The following PDE3B variants were observed in gnomAD, a reference collection of about 807,000 sequenced individuals.
PDE3B encodes cGMP-inhibited 3',5'-cyclic phosphodiesterase 3B.
In PDE3B, 66 loss-of-function variants were observed where a neutral mutation model predicts 116.8. The observed-to-expected ratio is 0.56, with a 90% CI of 0.46 to 0.69. The LOEUF is 0.69. Ranked by LOEUF, PDE3B falls within the 30% of genes least tolerant of loss-of-function variation. PDE3B has a pLI of 0.00. For missense variants in PDE3B, 1,384 were observed against 1,368.1 expected (o/e 1.01, Z -0.18); for synonymous variants, 595 against 533.6 (o/e 1.12, Z -1.59).
At chr11:14,782,094 C>T (rs1306870838) in intron 2 of PDE3B, among the ~76,000 whole-genome samples, 2 of 152,160 alleles carry the variant, frequency 1.3e-5, no homozygotes, top group Non-Finnish European at 2.9e-5. Flanking sequence ...AGGAATCCAA[C>T]TTGTGAGGGA....
chr11:14,810,128 CTAA>C (rs199555995), intron 5 of PDE3B, among the ~76,000 whole-genome samples: 1,693 of 152,044 alleles, frequency 0.011, 14 homozygotes, highest in Middle Eastern at 0.088. Flanking sequence ...TAAATATTTT[CTAA>C]TAATAAAACC....
the PDE3B span, among the ~76,000 whole-genome samples, chr11:14,879,786 A>G: frequency 1.3e-5 from 2 of 152,176 alleles, no homozygotes; most frequent in Non-Finnish European, 2.9e-5. Flanking sequence ...GACATAAGTA[A>G]TAAGAATAAA....
chr11:14,796,379 T>C (rs1858554313), intron 4 of PDE3B, among the ~76,000 whole-genome samples: 2 of 152,248 alleles, frequency 1.3e-5, no homozygotes. Context: ...CCTTTGGGTG[T>C]ATACCCAGTA....
intron 5 of PDE3B, among the ~76,000 whole-genome samples, chr11:14,814,111 A>T (rs1161891401): frequency 6.6e-6 from 1 of 152,200 alleles, no homozygotes; most frequent in Non-Finnish European, 1.5e-5. Flanking sequence ...TAGAGGGGAC[A>T]TTTTTAATCT....
intron 8 of PDE3B, among the ~76,000 whole-genome samples, chr11:14,831,158 A>G (rs556531813): frequency 6.6e-6 from 1 of 151,828 alleles, no homozygotes; most frequent in South Asian, 2.1e-4. Flanking sequence ...GAATATGTGC[A>G]TGTTACTAAA....
Position 14,786,521 on chromosome 11 carries a change from C to T in PDE3B, c.1114C>T (p.Leu372Phe). The change falls in exon 3 of 16, where the codon CTT becomes TTT. Residue 372 changes from leucine to phenylalanine, a missense_variant. Around this residue, in one of 2 missense-constraint regions of PDE3B, gnomAD observed 956 missense variants for 806.8 expected, o/e 1.18. Coordinates refer to ENST00000282096, the MANE Select transcript of PDE3B (RefSeq NM_000922.4). ...MVSDLLTDPS[L>F]PPQVISSLRS... ...GTCAGATCTTCTGACTGATCCAAGC[C>T]TTCCACCACAAGTCATTTCCTCTCT... 6.2e-7 allele frequency: 1 copy of T among 1,613,108 alleles called. No homozygotes were observed. The highest frequency in any genetic ancestry group is 8.5e-7 in the Non-Finnish European group (1 of 1,179,250).
chr11:14,713,719 CACACACACTCACACACAT>C (rs1377687946), intron 1 of PDE3B, among the ~76,000 whole-genome samples: 1 of 152,022 alleles, frequency 6.6e-6, no homozygotes, highest in Non-Finnish European at 1.5e-5. Flanking sequence ...CACACACACA[CACACACACTCACACACAT>C]ACTATTGTTT....
intron 1 of PDE3B, among the ~76,000 whole-genome samples, chr11:14,691,725 A>C (rs1001625659): frequency 6.6e-6 from 1 of 152,184 alleles, no homozygotes; most frequent in Admixed American, 6.5e-5. Flanking sequence ...GTACGTATAT[A>C]TTGTCAGATA....
chr11:14,653,574 CCAAAAAAACCAA>C (rs567489588), intron 1 of PDE3B, among the ~76,000 whole-genome samples: 3 of 150,930 alleles, frequency 2.0e-5, no homozygotes, highest in East Asian at 1.9e-4. Context: ...CAAAAAAAAA[CCAAAAAAACCAA>C]CAAAAAAACC....
intron 1 of PDE3B, among the ~76,000 whole-genome samples, chr11:14,679,972 T>C (rs1478477020): frequency 1.3e-5 from 2 of 152,052 alleles, no homozygotes; most frequent in African/African-American, 2.4e-5. Flanking sequence ...GATGGCCTTA[T>C]CAAATTTTAA....
At chr11:14,653,088 A>G (rs751429628) in intron 1 of PDE3B, among the ~76,000 whole-genome samples, 2 of 152,188 alleles carry the variant, frequency 1.3e-5, no homozygotes, top group Non-Finnish European at 2.9e-5. Context: ...TTTATAGTAT[A>G]TAACTCTATG....
At chr11:14,880,338 G>A in the PDE3B span, 24 of 1,613,136 alleles carry the variant, frequency 1.5e-5, no homozygotes, top group African/African-American at 4.0e-5. Flanking sequence ...GCTTTCTGTT[G>A]ACTGAAGCTT....
intron 2 of PDE3B, 97 bp from the exon 3 acceptor site, chr11:14,786,338 CAT>C (rs140703300): frequency 4.2e-3 from 3,163 of 752,584 alleles, no homozygotes; most frequent in Middle Eastern, 5.8e-3. Context: ...TTATTTGCTA[CAT>C]ATATATATAT....
At chr11:14,679,988 C>T (rs1205254779) in intron 1 of PDE3B, among the ~76,000 whole-genome samples, 6 of 152,094 alleles carry the variant, frequency 3.9e-5, no homozygotes, top group African/African-American at 1.4e-4. Context: ...TTTAAGGATT[C>T]TGAAAGTCAG....
In PDE3B at chr11:14,816,083, A is replaced by G. The variant is rs567987079; in HGVS notation, c.1523-2100A>G. Among the ~76,000 whole-genome samples the G allele has an allele frequency of 8.7e-4, 132 of 152,304 alleles. 1 individual carries two copies. Among genetic ancestry groups the G allele is most frequent in the South Asian group, 4.1e-3 (20 of 4,826 alleles). On this transcript the variant is annotated intron_variant, in intron 5 of 15. Coordinates refer to ENST00000282096, the MANE Select transcript of PDE3B (RefSeq NM_000922.4). ...GACAGGCTGGCAGGCTGAAAATTCC[A>G]GCAGGGTTAATGTTGCAGTCTTGAA... is the stretch of plus-strand genomic sequence containing the variant.
intron 1 of PDE3B, among the ~76,000 whole-genome samples, chr11:14,743,072 C>A (rs1381535941): frequency 1.3e-5 from 2 of 152,202 alleles, no homozygotes; most frequent in Non-Finnish European, 2.9e-5. Context: ...GGCAGTCTGT[C>A]CCTTAGCAGA....
chr11:14,668,264 T>G (rs1190099370), intron 1 of PDE3B, among the ~76,000 whole-genome samples: 1 of 152,168 alleles, frequency 6.6e-6, no homozygotes, highest in Non-Finnish European at 1.5e-5. Context: ...GAAATACATG[T>G]GGGCCTACAT....
chr11:14,673,655 C>T (rs1210049134), intron 1 of PDE3B: 2 of 697,228 alleles, frequency 2.9e-6, no homozygotes, highest in Non-Finnish European at 5.5e-6. Flanking sequence ...TTGTAGAATT[C>T]TTTGCCAGGT....
intron 2 of PDE3B, among the ~76,000 whole-genome samples, chr11:14,778,276 G>T (rs1475028871): frequency 2.0e-5 from 3 of 152,156 alleles, no homozygotes; most frequent in African/African-American, 7.2e-5. Flanking sequence ...AAAAACTTCT[G>T]CAGACTTAAA....
Sources: gnomAD v4.1 joint callset for allele counts (sites outside exome capture counted in the v4.1 genomes callset) on GRCh38, gnomAD v4.1.1 for gene constraint, gnomAD v4.1.1 regional missense constraint, MANE v1.5 for transcripts, NCBI Gene and HGNC (gene_info 2026-07-23, HGNC 2026-07-21) for gene names.